The following DACH2 variants were observed in gnomAD, a reference collection of about 807,000 sequenced individuals.
DACH2 encodes the protein dachshund family transcription factor 2, also known as dachshund homolog 2.
Under a neutral mutation model 35.8 loss-of-function variants are expected in DACH2, and 17 were observed. That is an observed-to-expected ratio of 0.48 (90% CI 0.33 to 0.71). DACH2 has a LOEUF of 0.71. Among genes scored for constraint, DACH2 ranks in the 30% least tolerant of loss-of-function variants. The pLI, the probability that DACH2 is intolerant of heterozygous loss-of-function variation, is 0.02. For synonymous variants in DACH2, 195 were observed against 177.3 expected (o/e 1.10, Z -0.79); for missense variants, 469 against 472.7 (o/e 0.99, Z 0.07).
intron 3 of DACH2, among the ~76,000 whole-genome samples, chrX:86,574,734 T>A (rs914454488): frequency 3.6e-5 from 4 of 111,732 alleles, no homozygotes; most frequent in Admixed American, 1.9e-4. Flanking sequence ...AGTTGGGAAA[T>A]CTATTTTAAT....
At chrX:86,750,631 T>G (rs191786770) in intron 7 of DACH2, among the ~76,000 whole-genome samples, 138 of 111,379 alleles carry the variant, frequency 1.2e-3, no homozygotes, top group Non-Finnish European at 2.3e-3. Flanking sequence ...GACTATTCAC[T>G]CTCTGTTTCT....
intron 1 of DACH2, among the ~76,000 whole-genome samples, chrX:86,244,128 A>T (rs1265934282): frequency 8.9e-6 from 1 of 111,868 alleles, no homozygotes; most frequent in Non-Finnish European, 1.9e-5. Flanking sequence ...TGTGGAAATT[A>T]TTCTTAAAGG....
chrX:86,640,194 C>T (rs373307530), intron 3 of DACH2, among the ~76,000 whole-genome samples: 1 of 111,103 alleles, frequency 9.0e-6, no homozygotes, highest in Non-Finnish European at 1.9e-5. Flanking sequence ...AGCCACCCCC[C>T]GCCAGAGCTG....
intron 3 of DACH2, among the ~76,000 whole-genome samples, chrX:86,580,515 G>A (rs1026051949): frequency 4.5e-5 from 5 of 111,764 alleles, no homozygotes; most frequent in African/African-American, 1.3e-4. Context: ...GGAGATGAAA[G>A]ATGACATGGC....
At chrX:86,478,175 C>A (rs2037877545) in intron 2 of DACH2, among the ~76,000 whole-genome samples, 1 of 111,539 alleles carries the variant, frequency 9.0e-6, no homozygotes, top group Non-Finnish European at 1.9e-5. Flanking sequence ...CTGTATTTTT[C>A]TGTGTGGTTA....
intron 2 of DACH2, among the ~76,000 whole-genome samples, chrX:86,476,862 G>T (rs1463851441): frequency 9.0e-6 from 1 of 110,825 alleles, no homozygotes; most frequent in Non-Finnish European, 1.9e-5. Flanking sequence ...ATTATCATTT[G>T]TTTCAAGAAG....
intron 2 of DACH2, among the ~76,000 whole-genome samples, chrX:86,415,593 A>G (rs977451093): frequency 1.8e-5 from 2 of 111,319 alleles, no homozygotes; most frequent in Non-Finnish European, 3.8e-5. Context: ...TCCTTTATTC[A>G]CTATCTTTCC....
At chrX:86,281,786 AAGCAACTTC>A (rs1340608952) in intron 1 of DACH2, among the ~76,000 whole-genome samples, 2 of 112,365 alleles carry the variant, frequency 1.8e-5, no homozygotes. Flanking sequence ...TTAAGCTGAT[AAGCAACTTC>A]AGCAAAGTCT....
chrX:86,545,010 G>T (rs2038938200), intron 3 of DACH2, among the ~76,000 whole-genome samples: 1 of 111,696 alleles, frequency 9.0e-6, no homozygotes, highest in Non-Finnish European at 1.9e-5. Flanking sequence ...GGCCAGGCTG[G>T]TCTCGAATTC....
chrX:86,377,523 T>C (rs754332640), intron 2 of DACH2, among the ~76,000 whole-genome samples: 1 of 110,513 alleles, frequency 9.0e-6, no homozygotes, highest in African/African-American at 3.3e-5. Flanking sequence ...ACATTTTAGG[T>C]TGTAGTGGTG....
chrX:86,684,988 A>C (rs971267759), intron 4 of DACH2, among the ~76,000 whole-genome samples: 3 of 112,121 alleles, frequency 2.7e-5, no homozygotes, highest in Non-Finnish European at 5.6e-5. Flanking sequence ...CTTTTAAAAC[A>C]TATATTCTTA....
intron 2 of DACH2, among the ~76,000 whole-genome samples, chrX:86,423,894 C>T (rs759816686): frequency 3.2e-4 from 36 of 110,836 alleles, no homozygotes; most frequent in African/African-American, 1.1e-3. Flanking sequence ...GTTCATTCTT[C>T]TGCATATGAA....
chrX:86,626,571 C>T (rs1196600828), intron 3 of DACH2, among the ~76,000 whole-genome samples: 1 of 113,112 alleles, frequency 8.8e-6, no homozygotes, highest in Admixed American at 9.3e-5. Context: ...TACATGTTCT[C>T]CATGAGAGCC....
At chrX:86,471,581 TA>T (rs1275429623) in intron 2 of DACH2, among the ~76,000 whole-genome samples, 1 of 111,317 alleles carries the variant, frequency 9.0e-6, no homozygotes, top group Non-Finnish European at 1.9e-5. Flanking sequence ...CTCTGAAAGA[TA>T]AATAACCACC....
At chrX:86,609,548 G>T (rs1013578541) in intron 3 of DACH2, among the ~76,000 whole-genome samples, 1 of 111,869 alleles carries the variant, frequency 8.9e-6, no homozygotes, top group Non-Finnish European at 1.9e-5. Context: ...AGTTATTAAA[G>T]AGTTGATTAT....
intron 6 of DACH2, among the ~76,000 whole-genome samples, chrX:86,723,257 A>T (rs768824354): frequency 1.9e-5 from 2 of 108,089 alleles, no homozygotes; most frequent in African/African-American, 3.3e-5. Context: ...CAAAGAGCTA[A>T]TTTCTCATGT....
At chrX:86,748,481 A>G (rs1222972681) in intron 7 of DACH2, among the ~76,000 whole-genome samples, 1 of 111,725 alleles carries the variant, frequency 9.0e-6, no homozygotes, top group Non-Finnish European at 1.9e-5. Context: ...CAGAGCTCTC[A>G]GGTAACTAGA....
At chrX:86,707,985 T>C (rs971396521) in intron 5 of DACH2, among the ~76,000 whole-genome samples, 7 of 104,883 alleles carry the variant, frequency 6.7e-5, no homozygotes, top group South Asian at 4.1e-4. Context: ...TAGCTCAACA[T>C]TGGAAAATCA....
chrX:86,436,618 C>A (rs1054759812), intron 2 of DACH2, among the ~76,000 whole-genome samples: 1 of 110,389 alleles, frequency 9.1e-6, no homozygotes, highest in Non-Finnish European at 1.9e-5. Flanking sequence ...CTTGCAATGT[C>A]TTTAGTTTTG....
Sources: gnomAD v4.1 joint callset for allele counts (sites outside exome capture counted in the v4.1 genomes callset) on GRCh38, gnomAD v4.1.1 for gene constraint, MANE v1.5 for transcripts, NCBI Gene and HGNC (gene_info 2026-07-23, HGNC 2026-07-21) for gene names.